The following PCSK5 variants were observed in gnomAD, a reference collection of about 807,000 sequenced individuals.
The protein encoded by PCSK5 is proprotein convertase subtilisin/kexin type 5.
In PCSK5, 129 loss-of-function variants were observed where a neutral mutation model predicts 233.2. The ratio of observed to expected loss-of-function variants is 0.55; its 90% CI spans 0.48 to 0.64. The LOEUF (loss-of-function observed/expected upper bound fraction) is 0.64. Among genes scored for constraint, PCSK5 ranks in the 30% least tolerant of loss-of-function variants. PCSK5 has a pLI of 0.00. For missense variants in PCSK5, 2,076 were observed against 2,430.1 expected, an observed-to-expected ratio of 0.85 and a Z score of 3.06; for synonymous variants, 825 against 879.2, an observed-to-expected ratio of 0.94 and a Z score of 1.09.
intron 20 of PCSK5, among the ~76,000 whole-genome samples, chr9:76,223,931 T>C (rs1263359266): frequency 6.6e-6 from 1 of 152,236 alleles, no homozygotes; most frequent in South Asian, 2.1e-4. Context: ...AGTGAAAACT[T>C]GTGCCTGTAA....
intron 5 of PCSK5, among the ~76,000 whole-genome samples, chr9:76,037,147 C>T (rs1828891379): frequency 6.6e-6 from 1 of 152,172 alleles, no homozygotes; most frequent in African/African-American, 2.4e-5. Flanking sequence ...AGACACTGTT[C>T]AGAGCTTGGA....
chr9:76,172,098 T>C (rs1472887970), intron 13 of PCSK5, among the ~76,000 whole-genome samples: 2 of 152,176 alleles, frequency 1.3e-5, no homozygotes, highest in African/African-American at 4.8e-5. Context: ...GGTAGACTCA[T>C]CCCCTAATAT....
intron 4 of PCSK5, 91 bp downstream of exon 4, chr9:76,023,972 A>C (rs1828309069): frequency 8.5e-6 from 10 of 1,175,156 alleles, no homozygotes; most frequent in Non-Finnish European, 1.2e-5. Flanking sequence ...GCTACTGAAA[A>C]ATGTAGCAAC....
At chr9:75,931,012 C>G (rs530806672) in intron 1 of PCSK5, among the ~76,000 whole-genome samples, 2 of 152,274 alleles carry the variant, frequency 1.3e-5, no homozygotes, top group African/African-American at 4.8e-5. Flanking sequence ...CGCTTGTTTT[C>G]AGAGTGCAGG....
rs1274107818 is a variant in PCSK5, at chr9:76,007,478, C to G, written c.412-16260C>G. On this transcript the variant is annotated intron_variant, in intron 3 of 37. Transcript: ENST00000674117. ...TAGAAAGAGGTGGGAATTTGAATGA[C>G]TTATTAAGTCTCCTAGTTCAAAAGA... Among the ~76,000 whole-genome samples the G allele has an allele frequency of 2.9e-5, 4 of 140,208 alleles. No homozygotes were observed. In the East Asian group the frequency reaches 6.7e-4, roughly 23 times the overall value. 92.0% of individuals were successfully genotyped at this position (140,208 alleles called of 152,430 possible). A position where few individuals can be genotyped will look rare whatever the true frequency, so the allele number is the denominator to read the frequency against.
intron 28 of PCSK5, among the ~76,000 whole-genome samples, chr9:76,302,495 A>C (rs1349318031): frequency 1.3e-5 from 2 of 152,196 alleles, no homozygotes; most frequent in Non-Finnish European, 2.9e-5. Context: ...AGAGGCTATC[A>C]AGAAAAGCCT....
At chr9:76,208,815 G>A (rs952002224) in intron 20 of PCSK5, among the ~76,000 whole-genome samples, 4 of 152,190 alleles carry the variant, frequency 2.6e-5, no homozygotes, top group Non-Finnish European at 5.9e-5. Context: ...TTGCTGAGAA[G>A]TGGATTGATG....
At chr9:76,294,273 T>A (rs1288358668) in intron 25 of PCSK5, among the ~76,000 whole-genome samples, 1 of 151,950 alleles carries the variant, frequency 6.6e-6, no homozygotes, top group Non-Finnish European at 1.5e-5. Context: ...CTGAAATTCA[T>A]CAAAGGCAGG....
intron 34 of PCSK5, among the ~76,000 whole-genome samples, chr9:76,336,882 T>C (rs1389858107): frequency 4.6e-5 from 7 of 152,110 alleles, no homozygotes; most frequent in Non-Finnish European, 2.9e-5. Flanking sequence ...TTTAAAACTG[T>C]AGTCTTGTTC....
intron 10 of PCSK5, among the ~76,000 whole-genome samples, chr9:76,137,091 A>G (rs1234617051): frequency 6.6e-6 from 1 of 152,048 alleles, no homozygotes; most frequent in African/African-American, 2.4e-5. Context: ...GGCAGACTTG[A>G]TCCATTCTTA....
chr9:76,288,787 C>T (rs559464729), intron 24 of PCSK5, among the ~76,000 whole-genome samples: 3 of 152,248 alleles, frequency 2.0e-5, no homozygotes, highest in South Asian at 2.1e-4. Context: ...TATGGGACAC[C>T]GAGTTTATGT....
At chr9:76,257,473 G>A (rs1214707033) in intron 24 of PCSK5, among the ~76,000 whole-genome samples, 1 of 152,156 alleles carries the variant, frequency 6.6e-6, no homozygotes, top group Non-Finnish European at 1.5e-5. Flanking sequence ...TCTAGAGCCT[G>A]AAATTCCTGC....
chr9:76,271,526 G>T (rs562130183), intron 24 of PCSK5, among the ~76,000 whole-genome samples: 22 of 152,178 alleles, frequency 1.4e-4, no homozygotes, highest in Non-Finnish European at 2.8e-4. Context: ...CAGAGCTGCT[G>T]CCACAAAGTA....
At chr9:76,267,609 T>G (rs925991692) in intron 24 of PCSK5, among the ~76,000 whole-genome samples, 1 of 152,158 alleles carries the variant, frequency 6.6e-6, no homozygotes, top group East Asian at 1.9e-4. Flanking sequence ...AAGACCATTG[T>G]AGACACTAAA....
intron 2 of PCSK5, among the ~76,000 whole-genome samples, chr9:75,935,840 G>T (rs1371081963): frequency 2.0e-5 from 3 of 152,194 alleles, no homozygotes; most frequent in African/African-American, 7.2e-5. Flanking sequence ...CAGTACATCA[G>T]ATTGAGAGGC....
At chr9:76,064,531 G>A (rs1201225485) in intron 5 of PCSK5, among the ~76,000 whole-genome samples, 3 of 149,834 alleles carry the variant, frequency 2.0e-5, no homozygotes, top group Non-Finnish European at 3.0e-5. Context: ...CCTCCCTCCC[G>A]GACGGGGTGG....
At position 75,967,742 on chromosome 9, in the gene PCSK5, A is replaced by T. The variant is rs536832948; in HGVS notation, c.298-18390A>T. On this transcript the variant is annotated intron_variant, in intron 2 of 37. Coordinates refer to ENST00000674117, the MANE Select transcript of PCSK5 (RefSeq NM_001372043.1). ...CTAATAACTCCCTCACTGGGCTGTGAGCGCCTCAAGGGCAGTGCCCAGCCT... is the reference window on the plus strand; with the variant it reads ...CTAATAACTCCCTCACTGGGCTGTGTGCGCCTCAAGGGCAGTGCCCAGCCT... 2.7e-5 allele frequency among the ~76,000 whole-genome samples: 4 copies of T among 147,182 alleles called. No homozygotes were observed. In the East Asian group the frequency reaches 8.1e-4, roughly 30 times the overall value.
At position 76,142,705 on chromosome 9, in the gene PCSK5, A is replaced by G. The variant is rs894709953; in HGVS notation, c.1312+8493A>G. Among the ~76,000 whole-genome samples the G allele has an allele frequency of 3.3e-5, 5 of 152,352 alleles. No homozygotes were observed. The East Asian group carries it at 9.6e-4, about 29-fold the overall frequency. On this transcript the variant is annotated intron_variant, in intron 10 of 37. Transcript: ENST00000674117. ...ATATTTTATATAGAGATACAGATGT[A>G]GATGTATATAGAGCTATATCCATTA...
At chr9:76,285,281 A>G (rs145698471) in intron 24 of PCSK5, among the ~76,000 whole-genome samples, 85 of 152,270 alleles carry the variant, frequency 5.6e-4, no homozygotes, top group Middle Eastern at 3.4e-3. Context: ...AAAGGTTGAG[A>G]TTGTCTGGGA....
Sources: allele counts gnomAD v4.1 joint callset (sites outside exome capture counted in the v4.1 genomes callset), GRCh38; gene constraint gnomAD v4.1.1; transcripts MANE v1.5; gene names NCBI Gene and HGNC (gene_info 2026-07-23, HGNC 2026-07-21).